Variants in LRRIQ3 observed in about 807,000 individuals in gnomAD.
LRRIQ3 encodes leucine-rich repeat and IQ domain-containing protein 3.
In LRRIQ3, 75 loss-of-function variants were observed where a neutral mutation model predicts 59.3. The observed-to-expected ratio is 1.26, with a 90% CI of 1.05 to 1.53. The LOEUF is 1.53. Among genes scored for constraint, LRRIQ3 ranks in the 40% most tolerant of loss-of-function variants. LRRIQ3 has a pLI of 0.00. For synonymous variants in LRRIQ3, 250 were observed against 231.3 expected (o/e 1.08, Z -0.73); for missense variants, 831 against 710.0 (o/e 1.17, Z -1.94).
At chr1:74,168,442 C>A (rs952309823) in intron 3 of LRRIQ3, among the ~76,000 whole-genome samples, 4 of 151,932 alleles carry the variant, frequency 2.6e-5, no homozygotes, top group Admixed American at 2.6e-4. Context: ...ACATATTTTT[C>A]CATCATTTTA....
intron 4 of LRRIQ3, among the ~76,000 whole-genome samples, chr1:74,123,423 C>T (rs571818838): frequency 6.6e-6 from 1 of 151,858 alleles, no homozygotes; most frequent in Admixed American, 6.6e-5. Context: ...TATTTTTATG[C>T]CCATTAACTG....
At chr1:74,179,434 T>C (rs1044850093) in intron 3 of LRRIQ3, among the ~76,000 whole-genome samples, 1 of 152,018 alleles carries the variant, frequency 6.6e-6, no homozygotes, top group Admixed American at 6.6e-5. Flanking sequence ...TTAATTTCTA[T>C]ATTCAAGCTC....
chr1:74,154,385 A>G (rs1012468807), intron 4 of LRRIQ3, among the ~76,000 whole-genome samples: 2 of 152,016 alleles, frequency 1.3e-5, no homozygotes, highest in Non-Finnish European at 2.9e-5. Flanking sequence ...ACAATTTTAC[A>G]GATAAAGAAA....
At chr1:74,184,330 T>C (rs1650213532) in intron 1 of LRRIQ3, among the ~76,000 whole-genome samples, 1 of 152,136 alleles carries the variant, frequency 6.6e-6, no homozygotes, top group African/African-American at 2.4e-5. Context: ...GTTTTTAATA[T>C]AATTTTACAC....
chr1:74,172,182 C>A (rs1432268869), intron 3 of LRRIQ3, among the ~76,000 whole-genome samples: 1 of 152,004 alleles, frequency 6.6e-6, no homozygotes, highest in Non-Finnish European at 1.5e-5. Flanking sequence ...TTCAGGTGTA[C>A]AGTTGGTTGA....
intron 5 of LRRIQ3, chr1:74,084,145 T>A: frequency 6.5e-7 from 1 of 1,541,384 alleles, no homozygotes; most frequent in Middle Eastern, 1.7e-4. Flanking sequence ...TAATTCCTTT[T>A]GGCACTGATG....
intron 6 of LRRIQ3, among the ~76,000 whole-genome samples, chr1:74,059,241 T>C (rs1306633617): frequency 6.6e-6 from 1 of 152,058 alleles, no homozygotes; most frequent in East Asian, 1.9e-4. Flanking sequence ...TCTGTATTTA[T>C]TTGCTTCCTT....
intron 1 of LRRIQ3, among the ~76,000 whole-genome samples, chr1:74,195,434 C>T (rs892674713): frequency 6.6e-6 from 1 of 152,164 alleles, no homozygotes; most frequent in Non-Finnish European, 1.5e-5. Context: ...ACACAACAGT[C>T]ATAGTTATAT....
At chr1:74,188,588 G>C (rs1650560279) in intron 1 of LRRIQ3, among the ~76,000 whole-genome samples, 1 of 152,050 alleles carries the variant, frequency 6.6e-6, no homozygotes, top group South Asian at 2.1e-4. Context: ...CCAATTTAGT[G>C]ATTACATATT....
intron 5 of LRRIQ3, among the ~76,000 whole-genome samples, chr1:74,106,209 A>G (rs1454943099): frequency 6.6e-6 from 1 of 152,044 alleles, no homozygotes; most frequent in Non-Finnish European, 1.5e-5. Flanking sequence ...AAAAGATAGA[A>G]ATTCACAACA....
At chr1:74,133,916 A>G (rs1647073755) in intron 4 of LRRIQ3, among the ~76,000 whole-genome samples, 1 of 151,948 alleles carries the variant, frequency 6.6e-6, no homozygotes, top group African/African-American at 2.4e-5. Flanking sequence ...ACACTTCCTT[A>G]TAAGTATTTC....
chr1:74,132,870 TA>T (rs1647049393), intron 4 of LRRIQ3, among the ~76,000 whole-genome samples: 1 of 152,138 alleles, frequency 6.6e-6, no homozygotes, highest in African/African-American at 2.4e-5. Context: ...AAATGGGATC[TA>T]ATTAAACTAA....
At chr1:74,194,260 T>C (rs755195754) in intron 1 of LRRIQ3, among the ~76,000 whole-genome samples, 4 of 152,118 alleles carry the variant, frequency 2.6e-5, no homozygotes, top group African/African-American at 9.7e-5. Flanking sequence ...CATAATTTTA[T>C]ATCACAGAAA....
At chr1:74,055,364 C>T (rs1654501767) in intron 6 of LRRIQ3, among the ~76,000 whole-genome samples, 1 of 151,966 alleles carries the variant, frequency 6.6e-6, no homozygotes, top group Non-Finnish European at 1.5e-5. Flanking sequence ...GTTCCCCCCT[C>T]TCTTCTGCCC....
chr1:74,071,395 A>G (rs1387978757), intron 6 of LRRIQ3, among the ~76,000 whole-genome samples: 3 of 152,068 alleles, frequency 2.0e-5, no homozygotes, highest in African/African-American at 7.2e-5. Flanking sequence ...ATGTCAATAA[A>G]CTACACAACC....
At chr1:74,181,318 A>G (rs1277995854) in intron 3 of LRRIQ3, 1 of 152,154 alleles carries the variant, frequency 6.6e-6, no homozygotes, top group Non-Finnish European at 1.5e-5. Context: ...TGGGTTGATC[A>G]CCTTTTAAAA....
rs1570304681 is a variant in LRRIQ3, at chr1:74,198,132, T to G, written c.-137A>C. 4 of 1,459,324 alleles carry G rather than the reference T, an allele frequency of 2.7e-6. No individual in the cohort carries two copies. In the Admixed American group the frequency reaches 7.3e-5, roughly 27 times the overall value. The allele number at this position is 1,459,324 out of a possible 1,614,324, so 90.4% of individuals were successfully genotyped here. On this transcript the variant is annotated 5_prime_UTR_variant, in exon 1 of 8. The change abolishes an upstream ATG in the 5' untranslated region. Transcript: ENST00000354431. The stretch of plus-strand genomic sequence containing the variant: ...CAAGACAACATCCAAGTTCTCCACA[T>G]CATGGTTTTCCGGGCGCCAGCCAAG...
intron 4 of LRRIQ3, among the ~76,000 whole-genome samples, chr1:74,137,113 C>A (rs2100626218): frequency 6.6e-6 from 1 of 151,788 alleles, no homozygotes; most frequent in Non-Finnish European, 1.5e-5. Flanking sequence ...ATCATATATA[C>A]CTAACAGACA....
intron 5 of LRRIQ3, among the ~76,000 whole-genome samples, chr1:74,103,793 C>A (rs1031603964): frequency 2.2e-4 from 33 of 151,456 alleles, no homozygotes; most frequent in African/African-American, 7.7e-4. Flanking sequence ...TCCTTCCCCC[C>A]CCCGCCATAT....
Sources: allele counts gnomAD v4.1 joint callset (sites outside exome capture counted in the v4.1 genomes callset), GRCh38; gene constraint gnomAD v4.1.1; transcripts MANE v1.5; gene names NCBI Gene and HGNC (gene_info 2026-07-23, HGNC 2026-07-21).